LRP1B: variants seen among roughly 807,000 people sequenced by gnomAD.
LRP1B encodes the protein low-density lipoprotein receptor-related protein 1B.
Under a neutral mutation model 556.6 loss-of-function variants are expected in LRP1B, and 217 were observed. That is an observed-to-expected ratio of 0.39 (90% CI 0.35 to 0.44). The LOEUF (loss-of-function observed/expected upper bound fraction) is 0.44. LRP1B is among the 20% of genes least tolerant of loss of function. The pLI is 1.00. For missense variants in LRP1B, 5,053 were observed against 5,620.8 expected, an observed-to-expected ratio of 0.90 and a Z score of 3.23; for synonymous variants, 2,047 against 1,865.8, an observed-to-expected ratio of 1.10 and a Z score of -2.50.
rs776836675 is a variant in LRP1B at position 140,526,114 on chromosome 2, C to T, written c.7877-121G>A. 153 of 1,342,788 alleles carry T rather than the reference C, an allele frequency of 1.1e-4. 1 individual carries two copies. The highest frequency in any genetic ancestry group is 1.5e-4 in the Non-Finnish European group (148 of 959,338). 83.2% of individuals were successfully genotyped at this position (1,342,788 alleles called of 1,614,324 possible). A position where few individuals can be genotyped will look rare whatever the true frequency, so the allele number is the denominator to read the frequency against. On this transcript the variant is annotated intron_variant, in intron 48 of 90. Transcript: ENST00000389484. ...TTGAGGAAATAGATACGTAATTATC[C>T]CACACAACAGGGGTTAATTACATAC...
Position 142,041,826 on chromosome 2 carries a change from T to C in LRP1B, c.82+88822A>G, listed in dbSNP as rs184095585. ...ACTTTTGCAAAGGTATTATGTGGATTTCATATTATGTATTTCTCAGAACTT... is the reference window on the plus strand; with the variant it reads ...ACTTTTGCAAAGGTATTATGTGGATCTCATATTATGTATTTCTCAGAACTT... On this transcript the variant is annotated intron_variant, in intron 1 of 90. Coordinates refer to ENST00000389484, the MANE Select transcript of LRP1B (RefSeq NM_018557.3). Among the ~76,000 whole-genome samples the C allele has an allele frequency of 4.6e-4, 70 of 151,642 alleles. No individual in the cohort carries two copies. In the Middle Eastern group the frequency reaches 0.02, roughly 44 times the overall value.
chr2:141,121,091 T>C (rs749186348), intron 7 of LRP1B, among the ~76,000 whole-genome samples: 16 of 152,090 alleles, frequency 1.1e-4, no homozygotes, highest in Non-Finnish European at 1.6e-4. Context: ...GCGGTGCATT[T>C]ACCACCTATG....
intron 7 of LRP1B, among the ~76,000 whole-genome samples, chr2:141,184,604 TA>T (rs76876173): frequency 0.015 from 2,100 of 142,880 alleles, 39 homozygotes; most frequent in African/African-American, 0.047. Context: ...AATGTTACAT[TA>T]AAAAAAAAAA....
chr2:141,050,376 G>A (rs1209591284), intron 10 of LRP1B, among the ~76,000 whole-genome samples: 1 of 151,850 alleles, frequency 6.6e-6, no homozygotes, highest in East Asian at 1.9e-4. Flanking sequence ...TATGCAGAGT[G>A]TGCAGGTTTG....
chr2:141,316,551 C>T (rs1573795972), intron 3 of LRP1B, among the ~76,000 whole-genome samples: 1 of 152,126 alleles, frequency 6.6e-6, no homozygotes, highest in East Asian at 1.9e-4. Context: ...AGGGAAACTA[C>T]CTCTTAGGGG....
At chr2:141,121,115 T>C (rs1435735306) in intron 7 of LRP1B, among the ~76,000 whole-genome samples, 1 of 152,028 alleles carries the variant, frequency 6.6e-6, no homozygotes, top group East Asian at 1.9e-4. Context: ...CACTGGCAAG[T>C]AATTAATCTG....
At chr2:141,335,973 T>A (rs1687832069) in intron 3 of LRP1B, among the ~76,000 whole-genome samples, 1 of 152,184 alleles carries the variant, frequency 6.6e-6, no homozygotes, top group South Asian at 2.1e-4. Flanking sequence ...ATGTTTTTAC[T>A]TGTCCTTTGT....
At position 141,095,622 on chromosome 2, in the gene LRP1B, G is replaced by A. The variant is rs1700278595; in HGVS notation, c.1014-33349C>T. On this transcript the variant is annotated intron_variant, in intron 7 of 90. Transcript: ENST00000389484. ...GTTCAATTTCAATTCTTAACCTAAA[G>A]TACATAGAGTTATTATTATTATTTT... Among the ~76,000 whole-genome samples the A allele has an allele frequency of 4.0e-5, 6 of 151,638 alleles. No homozygotes were observed. The South Asian group carries it at 1.3e-3, about 32-fold the overall frequency.
intron 3 of LRP1B, among the ~76,000 whole-genome samples, chr2:141,374,985 T>A (rs1013732027): frequency 1.3e-5 from 2 of 152,180 alleles, no homozygotes; most frequent in African/African-American, 2.4e-5. Flanking sequence ...GCACATCTGG[T>A]GTAGCAGTCA....
chr2:141,962,625 A>G (rs1199138301), intron 1 of LRP1B, among the ~76,000 whole-genome samples: 1 of 151,842 alleles, frequency 6.6e-6, no homozygotes, highest in African/African-American at 2.4e-5. Flanking sequence ...GTATGATAGA[A>G]AAGCCCAATA....
At chr2:141,543,430 G>A (rs185685885) in intron 2 of LRP1B, among the ~76,000 whole-genome samples, 1 of 148,888 alleles carries the variant, frequency 6.7e-6, no homozygotes, top group Non-Finnish European at 1.5e-5. Flanking sequence ...CAGGGGGATT[G>A]CTTCAGCCCG....
At chr2:141,442,102 A>G (rs1353595778) in intron 3 of LRP1B, among the ~76,000 whole-genome samples, 1 of 152,196 alleles carries the variant, frequency 6.6e-6, no homozygotes, top group Non-Finnish European at 1.5e-5. Flanking sequence ...AATAAATTTC[A>G]TGAAAAGACT....
At chr2:140,959,407 A>C (rs1176375911) in intron 18 of LRP1B, among the ~76,000 whole-genome samples, 1 of 151,688 alleles carries the variant, frequency 6.6e-6, no homozygotes, top group Admixed American at 6.6e-5. Context: ...GCACAACAGA[A>C]AAATCTTCCA....
chr2:140,523,672 T>A (rs757744154), intron 49 of LRP1B, among the ~76,000 whole-genome samples: 4 of 151,926 alleles, frequency 2.6e-5, no homozygotes, highest in Non-Finnish European at 4.4e-5. Context: ...TAATCAAGTT[T>A]AGTGAAGATG....
chr2:142,102,267 C>G (rs1424592859), intron 1 of LRP1B, among the ~76,000 whole-genome samples: 1 of 151,810 alleles, frequency 6.6e-6, no homozygotes, highest in East Asian at 1.9e-4. Context: ...ACCCCAATCA[C>G]AAATCTCCTC....
chr2:142,085,238 C>T (rs1306569886), intron 1 of LRP1B, among the ~76,000 whole-genome samples: 1 of 152,168 alleles, frequency 6.6e-6, no homozygotes, highest in East Asian at 1.9e-4. Context: ...CAAAGTTTAA[C>T]CTTCTCAGGA....
chr2:141,628,491 A>G (rs1189728952), intron 2 of LRP1B, among the ~76,000 whole-genome samples: 1 of 152,144 alleles, frequency 6.6e-6, no homozygotes, highest in Non-Finnish European at 1.5e-5. Context: ...TTTTAACAAA[A>G]TTATGCTGCA....
chr2:141,893,454 G>C (rs1195239532), intron 1 of LRP1B, among the ~76,000 whole-genome samples: 6 of 152,020 alleles, frequency 3.9e-5, no homozygotes, highest in Non-Finnish European at 7.4e-5. Flanking sequence ...ACCCACCTTG[G>C]CCTCCCAAAC....
At chr2:141,615,954 T>C (rs1341166345) in intron 2 of LRP1B, among the ~76,000 whole-genome samples, 3 of 152,174 alleles carry the variant, frequency 2.0e-5, no homozygotes, top group African/African-American at 7.2e-5. Flanking sequence ...GTCTTTATTC[T>C]TAAGTTAATC....
Sources: allele counts gnomAD v4.1 joint callset (sites outside exome capture counted in the v4.1 genomes callset), GRCh38; gene constraint gnomAD v4.1.1; transcripts MANE v1.5; gene names NCBI Gene and HGNC (gene_info 2026-07-23, HGNC 2026-07-21).